Variants in CITED2 observed in about 807,000 individuals in gnomAD.
CITED2 encodes Cbp/p300 interacting transactivator with ED-rich tail 2.
A neutral mutation model predicts 11.8 loss-of-function variants in CITED2; 2 were observed. The observed-to-expected ratio is 0.17, with a 90% CI of 0.07 to 0.54. The LOEUF (loss-of-function observed/expected upper bound fraction) is 0.54. CITED2 is among the 20% of genes least tolerant of loss of function. The pLI, the probability that CITED2 is intolerant of heterozygous loss-of-function variation, is 0.94. For missense variants in CITED2, 437 were observed against 390.2 expected (o/e 1.12, Z -1.01); for synonymous variants, 210 against 153.0 (o/e 1.37, Z -2.75).
chr6:139,374,541 G>A lies in CITED2; in HGVS notation c.-137C>T, dbSNP rs995827210. On this transcript the variant is annotated 5_prime_UTR_variant, in exon 1 of 2. Transcript: ENST00000367651. ...TTCGCTGTCGCGATGTCGGCGCCGAGGTCTCGCAGCGGCCGCTGGGGCAGA... is the reference window on the plus strand; with the variant it reads ...TTCGCTGTCGCGATGTCGGCGCCGAAGTCTCGCAGCGGCCGCTGGGGCAGA... The A allele has an allele frequency of 8.4e-5, 17 of 202,646 alleles. No homozygotes were observed. The highest frequency in any genetic ancestry group is 7.5e-4 in the Admixed American group (13 of 17,240). The allele number at this position is 202,646 out of a possible 1,614,324, so 12.6% of individuals were successfully genotyped here.
chr6:139,372,026 T>G lies in CITED2; in HGVS notation c.*1106A>C, dbSNP rs77011150. 4.0e-4 allele frequency: 61 copies of G among 152,186 alleles called. No homozygotes were observed. The highest frequency in any genetic ancestry group is 1.4e-3 in the African/African-American group (57 of 41,538). 9.4% of individuals were successfully genotyped at this position (152,186 alleles called of 1,614,324 possible). A position where few individuals can be genotyped will look rare whatever the true frequency, so the allele number is the denominator to read the frequency against. On this transcript the variant is annotated 3_prime_UTR_variant, in exon 2 of 2. Coordinates refer to ENST00000367651, the MANE Select transcript of CITED2 (RefSeq NM_006079.5). ...AAAAAAAAAAAAGCAGTGACAACTT[T>G]GCAGCTTTTGATTAAAGCACACCAA...
In CITED2 at chr6:139,372,948, G is replaced by A. The variant is rs917392372; in HGVS notation, c.*184C>T. 3.2e-5 allele frequency: 21 copies of A among 656,830 alleles called. No homozygotes were observed. Among genetic ancestry groups the A allele is most frequent in the African/African-American group, 1.1e-4 (6 of 54,834 alleles). The allele number at this position is 656,830 out of a possible 1,614,324, so 40.7% of individuals were successfully genotyped here. A position where few individuals can be genotyped will look rare whatever the true frequency, so the allele number is the denominator to read the frequency against. On this transcript the variant is annotated 3_prime_UTR_variant, in exon 2 of 2. Coordinates refer to ENST00000367651, the MANE Select transcript of CITED2 (RefSeq NM_006079.5). ...AGGCTACAAAAACGAAACAAAAACAGGAAAAAAAAGTGGCAGCAATTTTTT... is the reference window on the plus strand; with the variant it reads ...AGGCTACAAAAACGAAACAAAAACAAGAAAAAAAAGTGGCAGCAATTTTTT...
At position 139,373,979 on chromosome 6, in the gene CITED2, G is replaced by T. The variant is rs752938763; in HGVS notation, c.-8-27C>A. On this transcript the variant is annotated intron_variant, in intron 1 of 1. Coordinates refer to ENST00000367651, the MANE Select transcript of CITED2 (RefSeq NM_006079.5). ...TGGAAGTGAAAAGGGCAGATAATGA[G>T]ACCCGCGCCACACGTGTCGCCCACC... 14 of 1,583,184 alleles carry T rather than the reference G, an allele frequency of 8.8e-6. No individual in the cohort carries two copies. The Admixed American group carries it at 2.4e-4, about 27-fold the overall frequency.
In CITED2 at chr6:139,373,842, T is replaced by C; in HGVS notation, c.103A>G (p.Ser35Gly). Residue 35 changes from serine (S) to glycine (G), a missense_variant, in exon 2 of 2, where the codon AGC becomes GGC. This residue lies in a region of CITED2 where 396 missense variants were observed against 325.2 expected (regional missense o/e 1.22). Coordinates refer to ENST00000367651, the MANE Select transcript of CITED2 (RefSeq NM_006079.5). ...AHRMGMGQFP[S>G]PHHHQQQQPQ... is the part of the protein sequence containing the mutation. ...TGCTGCTGCTGGTGGTGATGGGGGC[T>C]CGGGAACTGCCCCATGCCCATGCGG... The C allele has an allele frequency of 6.2e-7, 1 of 1,605,848 alleles. No homozygotes were observed. Among genetic ancestry groups the C allele is most frequent in the Non-Finnish European group, 8.5e-7 (1 of 1,179,934 alleles).
rs752543125 is a variant in CITED2 at position 139,373,359 on chromosome 6, TGCCGCC to T, written c.580_585del (p.Gly194_Gly195del). The T allele has an allele frequency of 2.5e-3, 4,002 of 1,591,230 alleles. 8 individuals carry two copies. The highest frequency in any genetic ancestry group is 3.2e-3 in the Non-Finnish European group (3,722 of 1,170,720). ...GAGGCGGGCATGTTGCCGCTGCCGCTGCCGCCGCCGCTGTTGCTGCTGCCCGCGCCG... is the reference window on the plus strand; with the variant it reads ...GAGGCGGGCATGTTGCCGCTGCCGCTGCCGCTGTTGCTGCTGCCCGCGCCG... On this transcript the variant is annotated inframe_deletion, in exon 2 of 2. Transcript: ENST00000367651.
rs1778324859 is a variant in CITED2, at chr6:139,374,056, C to T, written c.-8-104G>A. On this transcript the variant is annotated intron_variant, in intron 1 of 1. Transcript: ENST00000367651. ...CTGCCCCCCAGGATTCCCGGGCGCA[C>T]GTCGGCTGCGAACCACCACCCCCAA... 5 of 1,526,334 alleles carry T rather than the reference C, an allele frequency of 3.3e-6. No individual in the cohort carries two copies. In the African/African-American group the frequency reaches 4.1e-5, roughly 13 times the overall value. 94.5% of individuals were successfully genotyped at this position (1,526,334 alleles called of 1,614,324 possible). A position where few individuals can be genotyped will look rare whatever the true frequency, so the allele number is the denominator to read the frequency against.
At position 139,373,362 on chromosome 6, in the gene CITED2, C is replaced by T. The variant is rs1190548633; in HGVS notation, c.583G>A (p.Gly195Ser). The T allele has an allele frequency of 3.8e-6, 6 of 1,581,312 alleles. 1 individual carries two copies. Among genetic ancestry groups the T allele is most frequent in the Non-Finnish European group, 5.2e-6 (6 of 1,162,446 alleles). The change falls in exon 2 of 2, where the codon GGC (glycine) becomes AGC (serine). Residue 195 changes from glycine (G) to serine (S), a missense_variant. Physicochemically the swap from Gly to Ser is moderately conservative, Grantham distance 56. This residue lies in a region of CITED2 where 396 missense variants were observed against 325.2 expected (regional missense o/e 1.22). Coordinates refer to ENST00000367651, the MANE Select transcript of CITED2 (RefSeq NM_006079.5). ...GCGGGCATGTTGCCGCTGCCGCTGC[C>T]GCCGCCGCTGTTGCTGCTGCCCGCG... Reference protein sequence around the residue: ...GGAGSSNSGGGSGSGNMPASV... With the variant: ...GGAGSSNSGGSSGSGNMPASV...
chr6:139,373,064 G>A lies in CITED2; in HGVS notation c.*68C>T, dbSNP rs1470619331. 2.3e-5 allele frequency: 32 copies of A among 1,377,450 alleles called. No homozygotes were observed. The highest frequency in any genetic ancestry group is 9.1e-5 in the East Asian group (4 of 43,816). 85.3% of individuals were successfully genotyped at this position (1,377,450 alleles called of 1,614,324 possible). ...GAAAAGTGAGATACTGTGTCTAAGGGAATGTTTCTTTTAATTCACGCCGAA... is the reference window on the plus strand; with the variant it reads ...GAAAAGTGAGATACTGTGTCTAAGGAAATGTTTCTTTTAATTCACGCCGAA... On this transcript the variant is annotated 3_prime_UTR_variant, in exon 2 of 2. Coordinates refer to ENST00000367651, the MANE Select transcript of CITED2 (RefSeq NM_006079.5).
Position 139,374,546 on chromosome 6 carries a change from C to T in CITED2, c.-142G>A, listed in dbSNP as rs1441256897. ...TGTCGCGATGTCGGCGCCGAGGTCT[C>T]GCAGCGGCCGCTGGGGCAGATTCGG... On this transcript the variant is annotated 5_prime_UTR_variant, in exon 1 of 2. Transcript: ENST00000367651. 1.0e-5 allele frequency: 2 copies of T among 196,672 alleles called. No homozygotes were observed. The highest frequency in any genetic ancestry group is 2.1e-5 in the Non-Finnish European group (2 of 96,826). The allele number at this position is 196,672 out of a possible 1,614,324, so 12.2% of individuals were successfully genotyped here. A position where few individuals can be genotyped will look rare whatever the true frequency, so the allele number is the denominator to read the frequency against.
At position 139,374,208 on chromosome 6, in the gene CITED2, C is replaced by G. The variant is rs768863177; in HGVS notation, c.-9+205G>C. On this transcript the variant is annotated intron_variant, in intron 1 of 1. Coordinates refer to ENST00000367651, the MANE Select transcript of CITED2 (RefSeq NM_006079.5). ...GGCGGGGGGACCCGAGCCCACACCC[C>G]CTTTGCTCCCCGAAGTGGCCTAATA... is the stretch of plus-strand genomic sequence containing the variant. 12 of 1,434,316 alleles carry G rather than the reference C, an allele frequency of 8.4e-6. No homozygotes were observed. The Admixed American group carries it at 2.5e-4, about 30-fold the overall frequency. The allele number at this position is 1,434,316 out of a possible 1,614,324, so 88.8% of individuals were successfully genotyped here.
chr6:139,374,592 C>T lies in CITED2; in HGVS notation c.-188G>A, dbSNP rs1035105215. On this transcript the variant is annotated 5_prime_UTR_variant, in exon 1 of 2. Coordinates refer to ENST00000367651, the MANE Select transcript of CITED2 (RefSeq NM_006079.5). ...TTCGGAGCCGTTCCCTTTTATTTCC[C>T]CTCCGTTGCCCTCACAGCTCGGCAG... The T allele has an allele frequency of 3.6e-5, 6 of 167,268 alleles. No homozygotes were observed. The highest frequency in any genetic ancestry group is 1.9e-4 in the Admixed American group (3 of 16,198). The allele number at this position is 167,268 out of a possible 1,614,324, so 10.4% of individuals were successfully genotyped here. A position where few individuals can be genotyped will look rare whatever the true frequency, so the allele number is the denominator to read the frequency against.
intron 1 of CITED2, chr6:139,374,165 C>T (rs1778328330): frequency 4.1e-6 from 6 of 1,450,824 alleles, no homozygotes; most frequent in East Asian, 2.5e-5. Flanking sequence ...GCACAAACAG[C>T]CCCTTCCCCT....
rs779667165 is a variant in CITED2, at chr6:139,373,959, G to A, written c.-8-7C>T. ...TGGTCTGCCATTTCCAGTCCTGGAA[G>A]TGAAAAGGGCAGATAATGAGACCCG... is the stretch of plus-strand genomic sequence containing the variant. On this transcript the variant is annotated splice_polypyrimidine_tract_variant and splice_region_variant and intron_variant, in intron 1 of 1. Transcript: ENST00000367651. 98 of 1,596,408 alleles carry A rather than the reference G, an allele frequency of 6.1e-5. No homozygotes were observed. Among genetic ancestry groups the A allele is most frequent in the Non-Finnish European group, 3.6e-5 (42 of 1,178,998 alleles).
Position 139,374,613 on chromosome 6 carries a change from G to A in CITED2, c.-209C>T, listed in dbSNP as rs112178092. Reference sequence around the variant, plus strand: ...TTCCCCTCCGTTGCCCTCACAGCTCGGCAGGACCGCCCGGCAGCTGCCAAC... The same window carrying A: ...TTCCCCTCCGTTGCCCTCACAGCTCAGCAGGACCGCCCGGCAGCTGCCAAC... On this transcript the variant is annotated 5_prime_UTR_variant, in exon 1 of 2. Coordinates refer to ENST00000367651, the MANE Select transcript of CITED2 (RefSeq NM_006079.5). 1.7e-3 allele frequency: 272 copies of A among 161,958 alleles called. No homozygotes were observed. The highest frequency in any genetic ancestry group is 6.0e-3 in the African/African-American group (251 of 41,896). The allele number at this position is 161,958 out of a possible 1,614,324, so 10.0% of individuals were successfully genotyped here. A position where few individuals can be genotyped will look rare whatever the true frequency, so the allele number is the denominator to read the frequency against.
At chr6:139,374,045 T>G in intron 1 of CITED2, 93 bp from the exon 2 acceptor site, 1 of 1,527,816 alleles carries the variant, frequency 6.5e-7, no homozygotes, top group Admixed American at 2.0e-5. Context: ...CCCCCAGGAT[T>G]CCCGGGCGCA....
In CITED2 at chr6:139,373,733, T is replaced by C. The variant is rs937533453; in HGVS notation, c.212A>G (p.His71Arg). Residue 71 changes from histidine to arginine, a missense_variant, in exon 2 of 2, where the codon CAT (histidine) becomes CGT (arginine). Physicochemically the swap from His to Arg is conservative, Grantham distance 29 (BLOSUM62 0). This residue lies in a region of CITED2 where 396 missense variants were observed against 325.2 expected (regional missense o/e 1.22). Coordinates refer to ENST00000367651, the MANE Select transcript of CITED2 (RefSeq NM_006079.5). ...GTTCACAGTCCCCGGCCCCATCGCA[T>C]GCCTGATGCCGCTCGTGGCATTCAT... is the stretch of plus-strand genomic sequence containing the variant. ...GNMNATSGIR[H>R]AMGPGTVNGG... The C allele has an allele frequency of 6.2e-7, 1 of 1,610,806 alleles. No homozygotes were observed. Among genetic ancestry groups the C allele is most frequent in the Middle Eastern group, 1.7e-4 (1 of 6,014 alleles).
rs1051483756 is a variant in CITED2, at chr6:139,372,917, A to G, written c.*215T>C. On this transcript the variant is annotated 3_prime_UTR_variant, in exon 2 of 2. Coordinates refer to ENST00000367651, the MANE Select transcript of CITED2 (RefSeq NM_006079.5). Reference sequence around the variant, plus strand: ...TCAACTACATAAGGGAGGTGGGTGAATGTCAAGGCTACAAAAACGAAACAA... The same window carrying G: ...TCAACTACATAAGGGAGGTGGGTGAGTGTCAAGGCTACAAAAACGAAACAA... 1.7e-5 allele frequency: 10 copies of G among 602,576 alleles called. No homozygotes were observed. In the African/African-American group the frequency reaches 1.7e-4, roughly 10 times the overall value. 37.3% of individuals were successfully genotyped at this position (602,576 alleles called of 1,614,324 possible). A position where few individuals can be genotyped will look rare whatever the true frequency, so the allele number is the denominator to read the frequency against.
At chr6:139,374,201 C>A in intron 1 of CITED2, 1 of 1,437,106 alleles carries the variant, frequency 7.0e-7, no homozygotes, top group East Asian at 2.5e-5. Flanking sequence ...GACCCGAGCC[C>A]ACACCCCCTT....
rs1433775459 is a variant in CITED2, at chr6:139,373,090, G to A, written c.*42C>T. On this transcript the variant is annotated 3_prime_UTR_variant, in exon 2 of 2. Coordinates refer to ENST00000367651, the MANE Select transcript of CITED2 (RefSeq NM_006079.5). ...AATGTTTCTTTTAATTCACGCCGAA[G>A]AAGTTGGGGGTTTGATTTCTTTCGC... is the stretch of plus-strand genomic sequence containing the variant. 3.2e-6 allele frequency: 5 copies of A among 1,553,432 alleles called. No individual in the cohort carries two copies. Among genetic ancestry groups the A allele is most frequent in the Non-Finnish European group, 4.4e-6 (5 of 1,125,014 alleles).
Sources: allele counts gnomAD v4.1 joint callset, GRCh38; gene constraint gnomAD v4.1.1; regional missense constraint gnomAD v4.1.1; transcripts MANE v1.5; gene names NCBI Gene and HGNC (gene_info 2026-07-23, HGNC 2026-07-21).